Variants in KCNA3 observed in about 807,000 individuals in gnomAD.
KCNA3 encodes potassium voltage-gated channel subfamily A member 3.
In KCNA3, 18 loss-of-function variants were observed where a neutral mutation model predicts 34.3. The observed-to-expected ratio is 0.52, with a 90% confidence interval of 0.36 to 0.78. The LOEUF (loss-of-function observed/expected upper bound fraction) is 0.78, where lower values mean the gene tolerates loss of function less well. KCNA3 is among the 30% of genes least tolerant of loss of function. KCNA3 has a pLI of 0.00. For missense variants in KCNA3, 587 were observed against 802.5 expected, an observed-to-expected ratio of 0.73 and a Z score of 3.24; for synonymous variants, 324 against 351.7, an observed-to-expected ratio of 0.92 and a Z score of 0.88.
At position 110,673,984 on chromosome 1, in the gene KCNA3, C is replaced by T. The variant is rs752859353; in HGVS notation, c.826G>A (p.Ala276Thr). The T allele has an allele frequency of 1.9e-6, 3 of 1,613,854 alleles. No homozygotes were observed. The highest frequency in any genetic ancestry group is 1.7e-5 in the Admixed American group (1 of 60,026). ...PASTSQDSFEAAGNSTSGSRA... is the reference protein window; with the variant it reads ...PASTSQDSFETAGNSTSGSRA... ...GACCCCGACGTGCTGTTGCCGGCTG[C>T]TTCGAATGAGTCCTGCGACGTCGAG... is the stretch of plus-strand genomic sequence containing the variant. Residue 276 changes from alanine to threonine, a missense_variant, in exon 1 of 1, where the codon GCA becomes ACA. By Grantham distance (58) the Ala-to-Thr change is moderately conservative. Coordinates refer to ENST00000369769, the MANE Select transcript of KCNA3 (RefSeq NM_002232.5). This position sits in a 1 kb window ranked among gnomAD's most constrained non-coding sequence, Gnocchi z 8.8.
Position 110,674,209 on chromosome 1 carries a change from C to A in KCNA3, c.601G>T (p.Glu201Ter), listed in dbSNP as rs1651995546. The A allele has an allele frequency of 6.2e-7, 1 of 1,613,230 alleles. No individual in the cohort carries two copies. Among genetic ancestry groups the A allele is most frequent in the African/African-American group, 1.3e-5 (1 of 74,930 alleles). The change falls in exon 1 of 1, where the codon GAG (glutamate) becomes TAG (stop). Residue 201 changes from glutamate (E) to a stop codon, truncating the protein, a stop_gained. Transcript: ENST00000369769. LOFTEE classifies it high-confidence loss of function. The surrounding 1 kb of genome is among the most constrained non-coding windows in gnomAD (Gnocchi z 6.4). ...CGCTCCTCCTCCCGCAGGAAGCCCT[C>A]GTCCTCGCGGAACTTCTCCATGGCC... ...EEAMEKFRED[E>*]GFLREEERPL...
Position 110,674,840 on chromosome 1 carries a change from C to A in KCNA3, c.-31G>T, listed in dbSNP as rs934544237. 1 of 1,289,264 alleles carries A rather than the reference C, an allele frequency of 7.8e-7. No homozygotes were observed. The highest frequency in any genetic ancestry group is 9.8e-7 in the Non-Finnish European group (1 of 1,022,078). 79.9% of individuals were successfully genotyped at this position (1,289,264 alleles called of 1,614,324 possible). A position where few individuals can be genotyped will look rare whatever the true frequency, so the allele number is the denominator to read the frequency against. On this transcript the variant is annotated 5_prime_UTR_variant, in exon 1 of 1. Coordinates refer to ENST00000369769, the MANE Select transcript of KCNA3 (RefSeq NM_002232.5). The surrounding 1 kb of genome is among the most constrained non-coding windows in gnomAD (Gnocchi z 6.4). ...GGGGAAGAGGCGGCAGCGGTGAGGC[C>A]AGGTCGCTCCTCCTCGCGCTCCCCG... is the stretch of plus-strand genomic sequence containing the variant.
chr1:110,660,203 C>A, the KCNA3 span, among the ~76,000 whole-genome samples: 3 of 152,080 alleles, frequency 2.0e-5, no homozygotes, highest in Non-Finnish European at 4.4e-5. Context: ...CTACATATTT[C>A]TTTTAATTTG....
At chr1:110,663,359 G>A in the KCNA3 span, among the ~76,000 whole-genome samples, 8 of 152,250 alleles carry the variant, frequency 5.3e-5, no homozygotes, top group East Asian at 5.8e-4. Context: ...ATAAAGTGGC[G>A]TAAGGAGAAA....
rs1055215399 is a variant in KCNA3 at position 110,672,877 on chromosome 1, A to G, written c.*205T>C. 3.5e-5 allele frequency: 20 copies of G among 567,654 alleles called. No homozygotes were observed. In the African/African-American group the frequency reaches 3.6e-4, roughly 10 times the overall value. The allele number at this position is 567,654 out of a possible 1,614,324, so 35.2% of individuals were successfully genotyped here. On this transcript the variant is annotated 3_prime_UTR_variant, in exon 1 of 1. Transcript: ENST00000369769. ...GAGAGAGAGGGTAAGAGGGAAAAGG[A>G]GAGCTGAGAGAATGCAGCCCACTTG...
the KCNA3 span, among the ~76,000 whole-genome samples, chr1:110,667,424 C>T: frequency 6.6e-6 from 1 of 152,072 alleles, no homozygotes; most frequent in Non-Finnish European, 1.5e-5. Context: ...AAGGTATGAC[C>T]CCTGTATCTG....
chr1:110,667,786 G>A (rs1023080286), downstream of KCNA3, among the ~76,000 whole-genome samples: 6 of 152,048 alleles, frequency 3.9e-5, no homozygotes, highest in South Asian at 2.1e-4. Flanking sequence ...ATTAGCTCAC[G>A]ACATCATTAA....
Position 110,673,808 on chromosome 1 carries a change from C to A in KCNA3, c.1002G>T (p.Val334=). 6.2e-7 allele frequency: 1 copy of A among 1,614,134 alleles called. No individual in the cohort carries two copies. ...GAGTGATAAAATAAGGAATGATGGCCACAATGTCGATCAGGTTCATGATGT... is the reference window on the plus strand; with the variant it reads ...GAGTGATAAAATAAGGAATGATGGCAACAATGTCGATCAGGTTCATGATGT... The part of the protein sequence containing the change: ...SRNIMNLIDI[V]AIIPYFITLG... Residue 334 remains valine (V), a synonymous_variant, in exon 1 of 1, where the codon GTG becomes GTT. Transcript: ENST00000369769. The surrounding 1 kb of genome is among the most constrained non-coding windows in gnomAD (Gnocchi z 8.8).
chr1:110,656,268 T>C, the KCNA3 span: 2 of 152,136 alleles, frequency 1.3e-5, no homozygotes, highest in East Asian at 3.9e-4. Context: ...AAAGATGAAA[T>C]GATAAATCAT....
rs370786888 is a variant in KCNA3, at chr1:110,673,921, C to A, written c.889G>T (p.Val297Leu). Residue 297 changes from valine to leucine, a missense_variant, in exon 1 of 1, where the codon GTG (valine) becomes TTG (leucine). Transcript: ENST00000369769. The surrounding 1 kb of genome is among the most constrained non-coding windows in gnomAD (Gnocchi z 8.8). Reference sequence around the variant, plus strand: ...CAGATGATGCACAGCGTCTCCACCACGAAGAAGGGATCGGAGAAGCTGGAG... The same window carrying A: ...CAGATGATGCACAGCGTCTCCACCAAGAAGAAGGGATCGGAGAAGCTGGAG... Reference protein sequence around the residue: ...GASSFSDPFFVVETLCIIWFS... With the variant: ...GASSFSDPFFLVETLCIIWFS... The A allele has an allele frequency of 3.7e-6, 6 of 1,613,992 alleles. No homozygotes were observed. Among genetic ancestry groups the A allele is most frequent in the African/African-American group, 2.7e-5 (2 of 74,940 alleles).
In KCNA3 at chr1:110,673,048, A is replaced by G; in HGVS notation, c.*34T>C. 1 of 1,573,046 alleles carries G rather than the reference A, an allele frequency of 6.4e-7. No homozygotes were observed. Among genetic ancestry groups the G allele is most frequent in the Non-Finnish European group, 8.6e-7 (1 of 1,157,366 alleles). On this transcript the variant is annotated 3_prime_UTR_variant, in exon 1 of 1. Coordinates refer to ENST00000369769, the MANE Select transcript of KCNA3 (RefSeq NM_002232.5). This position sits in a 1 kb window ranked among gnomAD's most constrained non-coding sequence, Gnocchi z 8.8. ...CAGACCAAGGGGGCACGTTCCACAC[A>G]ATACTGAGCACAGCATGTCACTTGT...
chr1:110,674,857 C>T lies in KCNA3; in HGVS notation c.-48G>A. The T allele has an allele frequency of 7.8e-7, 1 of 1,279,372 alleles. No homozygotes were observed. The highest frequency in any genetic ancestry group is 9.8e-7 in the Non-Finnish European group (1 of 1,016,168). The allele number at this position is 1,279,372 out of a possible 1,614,324, so 79.3% of individuals were successfully genotyped here. Reference sequence around the variant, plus strand: ...GGTGAGGCCAGGTCGCTCCTCCTCGCGCTCCCCGCCCTTTCGCCGCCTCCG... The same window carrying T: ...GGTGAGGCCAGGTCGCTCCTCCTCGTGCTCCCCGCCCTTTCGCCGCCTCCG... On this transcript the variant is annotated 5_prime_UTR_variant, in exon 1 of 1. Transcript: ENST00000369769. This position sits in a 1 kb window ranked among gnomAD's most constrained non-coding sequence, Gnocchi z 6.4.
At chr1:110,662,264 T>G in the KCNA3 span, among the ~76,000 whole-genome samples, 1 of 151,910 alleles carries the variant, frequency 6.6e-6, no homozygotes, top group African/African-American at 2.4e-5. Context: ...TGAAGATAAT[T>G]TACCAAATAA....
At chr1:110,669,030 TC>T (rs1479654015), downstream of KCNA3, among the ~76,000 whole-genome samples, 1 of 152,218 alleles carries the variant, frequency 6.6e-6, no homozygotes, top group Non-Finnish European at 1.5e-5. Flanking sequence ...TATTTTAATT[TC>T]TTTAGAGCAC....
At position 110,674,804 on chromosome 1, in the gene KCNA3, G is replaced by A; in HGVS notation, c.6C>T (p.Asp2=). ...GCGAGCGCAGAAGGCTGAGGCGCTCGTCCATGCGGCGGGGAAGAGGCGGCA... is the reference window on the plus strand; with the variant it reads ...GCGAGCGCAGAAGGCTGAGGCGCTCATCCATGCGGCGGGGAAGAGGCGGCA... The part of the protein sequence containing the change: M[D]ERLSLLRSPP... Residue 2 remains aspartate (D), a synonymous_variant, in exon 1 of 1, where the codon GAC becomes GAT. Coordinates refer to ENST00000369769, the MANE Select transcript of KCNA3 (RefSeq NM_002232.5). The surrounding 1 kb of genome is among the most constrained non-coding windows in gnomAD (Gnocchi z 6.4). The A allele has an allele frequency of 7.6e-7, 1 of 1,312,274 alleles. No individual in the cohort carries two copies. Among genetic ancestry groups the A allele is most frequent in the Non-Finnish European group, 9.7e-7 (1 of 1,036,070 alleles). The allele number at this position is 1,312,274 out of a possible 1,614,324, so 81.3% of individuals were successfully genotyped here.
At chr1:110,667,203 T>G in the KCNA3 span, among the ~76,000 whole-genome samples, 1 of 152,078 alleles carries the variant, frequency 6.6e-6, no homozygotes, top group South Asian at 2.1e-4. Flanking sequence ...TGAACAGAAG[T>G]TTAAAATAAA....
At chr1:110,667,061 G>C in the KCNA3 span, among the ~76,000 whole-genome samples, 1 of 152,054 alleles carries the variant, frequency 6.6e-6, no homozygotes, top group Admixed American at 6.6e-5. Flanking sequence ...TCTATGAACA[G>C]GTGAGGGGTG....
chr1:110,674,318 C>A lies in KCNA3; in HGVS notation c.492G>T (p.Gln164His). The change falls in exon 1 of 1, where the codon CAG becomes CAT. Residue 164 changes from glutamine to histidine, a missense_variant. Around this residue, in one of 7 missense-constraint regions of KCNA3, gnomAD observed 341 missense variants for 355.4 expected, o/e 0.96. Coordinates refer to ENST00000369769, the MANE Select transcript of KCNA3 (RefSeq NM_002232.5). The surrounding 1 kb of genome is among the most constrained non-coding windows in gnomAD (Gnocchi z 6.4). ...PSFDAILYYY[Q>H]SGGRIRRPVN... ...CCGGCCGGCGGATGCGGCCCCCGGA[C>A]TGATAGTAGTAGAGGATGGCGTCGA... is the stretch of plus-strand genomic sequence containing the variant. The A allele has an allele frequency of 6.2e-7, 1 of 1,614,172 alleles. No homozygotes were observed. The highest frequency in any genetic ancestry group is 8.5e-7 in the Non-Finnish European group (1 of 1,180,018).
At position 110,673,719 on chromosome 1, in the gene KCNA3, C is replaced by G; in HGVS notation, c.1091G>C (p.Arg364Thr). 6.2e-7 allele frequency: 1 copy of G among 1,614,170 alleles called. No homozygotes were observed. Among genetic ancestry groups the G allele is most frequent in the Non-Finnish European group, 8.5e-7 (1 of 1,180,044 alleles). Residue 364 changes from arginine to threonine, a missense_variant, in exon 1 of 1, where the codon AGG becomes ACG. Arg to Thr is a moderately conservative substitution (Grantham distance 71, BLOSUM62 -1). Around this residue, in one of 7 missense-constraint regions of KCNA3, gnomAD observed 84 missense variants for 223.1 expected, o/e 0.38. Coordinates refer to ENST00000369769, the MANE Select transcript of KCNA3 (RefSeq NM_002232.5). This position sits in a 1 kb window ranked among gnomAD's most constrained non-coding sequence, Gnocchi z 8.8. ...GAAGACCCTTACCAGGCGGATGACC[C>G]TCAGGATGGCCAGAGACATGGCCTG... ...GQQAMSLAILRVIRLVRVFRI... is the reference protein window; with the variant it reads ...GQQAMSLAILTVIRLVRVFRI...
Sources: gnomAD v4.1 joint callset for allele counts (sites outside exome capture counted in the v4.1 genomes callset) on GRCh38, gnomAD v4.1.1 for gene constraint, gnomAD v4.1.1 regional missense constraint, Gnocchi (gnomAD v3.1) non-coding constraint, MANE v1.5 for transcripts, NCBI Gene and HGNC (gene_info 2026-07-23, HGNC 2026-07-21) for gene names.